DTNA: variants seen among roughly 807,000 people sequenced by gnomAD.
DTNA encodes the protein dystrophin-related protein 3.
DTNA carries 43 observed loss-of-function variants against 100.7 expected under a neutral mutation model. The observed-to-expected ratio is 0.43, with a 90% CI of 0.33 to 0.55. The LOEUF (loss-of-function observed/expected upper bound fraction) is 0.55, where lower values mean the gene tolerates loss of function less well. Among genes scored for constraint, DTNA ranks in the 20% least tolerant of loss-of-function variants. The pLI is 0.04. For synonymous variants in DTNA, 349 were observed against 347.9 expected (o/e 1.00, Z -0.04); for missense variants, 798 against 953.9 (o/e 0.84, Z 2.15).
chr18:34,677,358 CA>C (rs955078706), intron 1 of DTNA, among the ~76,000 whole-genome samples: 29 of 149,356 alleles, frequency 1.9e-4, no homozygotes, highest in Middle Eastern at 3.4e-3. Flanking sequence ...TGGATCTGGA[CA>C]AAAAAAAAGA....
chr18:34,515,136 CTT>C, intron 1 of DTNA, among the ~76,000 whole-genome samples: 1 of 152,206 alleles, frequency 6.6e-6, no homozygotes, highest in East Asian at 1.9e-4. Context: ...TTCCACCTGA[CTT>C]TCTCTACCCT....
rs2096198382 is a variant in DTNA, at chr18:34,838,314, A to G, written c.1253+143A>G. ...TGCTTTAACCCAGTTAACAGCACTA[A>G]GTAGTTATTTCCAGTAGACACATCT... On this transcript the variant is annotated intron_variant, in intron 12 of 22. Transcript: ENST00000444659. 6.0e-6 allele frequency: 5 copies of G among 826,790 alleles called. No individual in the cohort carries two copies. In the Admixed American group the frequency reaches 6.3e-5, roughly 10 times the overall value. 51.2% of individuals were successfully genotyped at this position (826,790 alleles called of 1,614,324 possible).
At chr18:34,661,416 CTT>C (rs1196390549) in intron 1 of DTNA, among the ~76,000 whole-genome samples, 2 of 152,174 alleles carry the variant, frequency 1.3e-5, no homozygotes. Flanking sequence ...AGATTCTTCT[CTT>C]TTCCTGGTGA....
intron 1 of DTNA, among the ~76,000 whole-genome samples, chr18:34,527,054 C>T (rs1011186402): frequency 2.0e-5 from 3 of 151,948 alleles, no homozygotes; most frequent in East Asian, 1.9e-4. Context: ...TTTAAGCATT[C>T]GACAATCATT....
intron 1 of DTNA, among the ~76,000 whole-genome samples, chr18:34,703,212 C>T (rs749334243): frequency 1.4e-4 from 22 of 152,170 alleles, no homozygotes; most frequent in African/African-American, 4.3e-4. Context: ...GGATGTAGAG[C>T]GTTCCTACAT....
At chr18:34,677,026 A>G (rs1044179953) in intron 1 of DTNA, among the ~76,000 whole-genome samples, 3 of 152,178 alleles carry the variant, frequency 2.0e-5, no homozygotes, top group Non-Finnish European at 4.4e-5. Flanking sequence ...GAGGGTATTC[A>G]GCTCTGCATA....
chr18:34,501,616 GT>G (rs2039933874), intron 1 of DTNA, among the ~76,000 whole-genome samples: 1 of 151,976 alleles, frequency 6.6e-6, no homozygotes, highest in African/African-American at 2.4e-5. Context: ...GGGCTTTTTT[GT>G]TTTTAGTTAC....
At chr18:34,638,451 T>C (rs539002019) in intron 1 of DTNA, among the ~76,000 whole-genome samples, 2 of 152,368 alleles carry the variant, frequency 1.3e-5, no homozygotes, top group Non-Finnish European at 2.9e-5. Flanking sequence ...GATTGGAATC[T>C]AGGCAGTCTA....
At chr18:34,649,317 G>T (rs2060188012) in intron 1 of DTNA, among the ~76,000 whole-genome samples, 1 of 152,146 alleles carries the variant, frequency 6.6e-6, no homozygotes, top group East Asian at 1.9e-4. Context: ...TCTTGGGATT[G>T]ATATATCTGC....
chr18:34,861,485 C>CAAAAAAAA (rs11329850), intron 16 of DTNA, among the ~76,000 whole-genome samples: 2 of 77,944 alleles, frequency 2.6e-5, no homozygotes, highest in Non-Finnish European at 4.6e-5. Flanking sequence ...GACTCCGTCT[C>CAAAAAAAA]AAAAAAAAAA....
intron 1 of DTNA, among the ~76,000 whole-genome samples, chr18:34,558,426 A>T (rs1193883668): frequency 2.0e-5 from 3 of 152,182 alleles, no homozygotes; most frequent in African/African-American, 7.2e-5. Flanking sequence ...TCATTGATTA[A>T]TTCAACTATT....
chr18:34,626,642 A>G (rs2057356166), intron 1 of DTNA, among the ~76,000 whole-genome samples: 1 of 152,188 alleles, frequency 6.6e-6, no homozygotes, highest in South Asian at 2.1e-4. Context: ...TTATGAGGGG[A>G]AAATCAGGGA....
intron 1 of DTNA, among the ~76,000 whole-genome samples, chr18:34,598,204 A>G (rs1598862022): frequency 1.4e-5 from 2 of 144,242 alleles, no homozygotes; most frequent in Admixed American, 6.9e-5. Context: ...GGAATTCTCT[A>G]TTTTCTTTCT....
In DTNA at chr18:34,882,142, G is replaced by A; in HGVS notation, c.2236G>A (p.Glu746Lys). 6.2e-7 allele frequency: 1 copy of A among 1,614,074 alleles called. No homozygotes were observed. Among genetic ancestry groups the A allele is most frequent in the Non-Finnish European group, 8.5e-7 (1 of 1,179,990 alleles). ...TGAAAATGACTCTGTCCGGCAGCTGGAGAATGAGCTCCAGATGGAGGAATA... is the reference window on the plus strand; with the variant it reads ...TGAAAATGACTCTGTCCGGCAGCTGAAGAATGAGCTCCAGATGGAGGAATA... ...NYENDSVRQL[E>K]NELQMEEYLK... The change falls in exon 21 of 23, where the codon GAG (glutamate) becomes AAG (lysine). Residue 746 changes from glutamate (E) to lysine (K), a missense_variant. By Grantham distance (56) the Glu-to-Lys change is moderately conservative. Coordinates refer to ENST00000444659, the MANE Select transcript of DTNA (RefSeq NM_001386795.1).
At chr18:34,804,821 A>G (rs981642951) in intron 4 of DTNA, among the ~76,000 whole-genome samples, 2 of 152,210 alleles carry the variant, frequency 1.3e-5, no homozygotes. Context: ...AAGAGTCACT[A>G]GCATAGGGTT....
At chr18:34,869,818 G>A (rs1225583180) in intron 17 of DTNA, among the ~76,000 whole-genome samples, 2 of 152,176 alleles carry the variant, frequency 1.3e-5, no homozygotes, top group Non-Finnish European at 2.9e-5. Context: ...TCAGGAGATC[G>A]AGACCATCCC....
intron 1 of DTNA, among the ~76,000 whole-genome samples, chr18:34,669,853 C>T (rs1391424285): frequency 2.0e-5 from 3 of 152,140 alleles, no homozygotes; most frequent in Non-Finnish European, 4.4e-5. Flanking sequence ...TCTGGCTGCC[C>T]TTAATATTTT....
intron 1 of DTNA, among the ~76,000 whole-genome samples, chr18:34,692,727 A>AG (rs1409153272): frequency 6.6e-6 from 1 of 152,188 alleles, no homozygotes; most frequent in Non-Finnish European, 1.5e-5. Flanking sequence ...TTTATACAAA[A>AG]TCTTCTTCGT....
intron 22 of DTNA, among the ~76,000 whole-genome samples, chr18:34,885,111 GT>G (rs2096909493): frequency 6.6e-6 from 1 of 152,166 alleles, no homozygotes; most frequent in Non-Finnish European, 1.5e-5. Flanking sequence ...CAATATCGGA[GT>G]TTGTAGCCGC....
Sources: allele counts gnomAD v4.1 joint callset (sites outside exome capture counted in the v4.1 genomes callset), GRCh38; gene constraint gnomAD v4.1.1; transcripts MANE v1.5; gene names NCBI Gene and HGNC (gene_info 2026-07-23, HGNC 2026-07-21).